OR4C46: variants seen among roughly 807,000 people sequenced by gnomAD.
The protein encoded by OR4C46 is olfactory receptor 4C46.
OR4C46 carries 17 observed loss-of-function variants against 11.8 expected under a neutral mutation model. The observed-to-expected ratio is 1.44, with a 90% CI of 0.98 to 2.16. The LOEUF (loss-of-function observed/expected upper bound fraction) is 2.16. OR4C46 is among the 30% of genes most tolerant of loss of function. The pLI is 0.00. For synonymous variants in OR4C46, 224 were observed against 137.6 expected (o/e 1.63, Z -4.39); for missense variants, 606 against 372.1 (o/e 1.63, Z -5.17).
chr11:54,603,637 T>C lies in OR4C46; in HGVS notation c.362A>G (p.Tyr121Cys). The C allele has an allele frequency of 6.2e-7, 1 of 1,613,898 alleles. No individual in the cohort carries two copies. The highest frequency in any genetic ancestry group is 8.5e-7 in the Non-Finnish European group (1 of 1,179,814). Residue 121 changes from tyrosine to cysteine, a missense_variant, in exon 1 of 1, where the codon TAT becomes TGT. Transcript: ENST00000328188. ...ILLTVMAYDH[Y>C]VAICKPLHYM... The stretch of plus-strand genomic sequence containing the variant: ...GTGCAAGGGCTTGCAGATGGCCACA[T>C]AGTGGTCATAGGCCATCACAGTAAG...
At position 54,603,628 on chromosome 11, in the gene OR4C46, A is replaced by G. The variant is rs369188875; in HGVS notation, c.371T>C (p.Ile124Thr). 6.2e-7 allele frequency: 1 copy of G among 1,614,152 alleles called. No individual in the cohort carries two copies. The highest frequency in any genetic ancestry group is 8.5e-7 in the Non-Finnish European group (1 of 1,179,988). ...AGTCATATAGTGCAAGGGCTTGCAGATGGCCACATAGTGGTCATAGGCCAT... is the reference window on the plus strand; with the variant it reads ...AGTCATATAGTGCAAGGGCTTGCAGGTGGCCACATAGTGGTCATAGGCCAT... ...TVMAYDHYVA[I>T]CKPLHYMTIM... is the part of the protein sequence containing the mutation. Residue 124 changes from isoleucine (I) to threonine (T), a missense_variant, in exon 1 of 1, where the codon ATC becomes ACC. Coordinates refer to ENST00000328188, the MANE Select transcript of OR4C46 (RefSeq NM_001004703.1).
At position 54,603,449 on chromosome 11, in the gene OR4C46, T is replaced by C. The variant is rs148578889; in HGVS notation, c.550A>G (p.Asn184Asp). Reference protein sequence around the residue: ...HFMCDLNPLLNLACTDTHMLE... With the variant: ...HFMCDLNPLLDLACTDTHMLE... ...ATATGGGTGTCAGTGCAGGCGAGGT[T>C]GAGCAAAGGGTTCAGATCACACATA... The change falls in exon 1 of 1, where the codon AAC (asparagine) becomes GAC (aspartate). Residue 184 changes from asparagine (N) to aspartate (D), a missense_variant. Asn to Asp is a conservative substitution (Grantham distance 23, BLOSUM62 1). Coordinates refer to ENST00000328188, the MANE Select transcript of OR4C46 (RefSeq NM_001004703.1). 2.0e-5 allele frequency: 33 copies of C among 1,613,560 alleles called. No individual in the cohort carries two copies. Among genetic ancestry groups the C allele is most frequent in the Non-Finnish European group, 2.5e-5 (30 of 1,179,774 alleles).
Position 54,603,852 on chromosome 11 carries a change from G to T in OR4C46, c.147C>A (p.Ala49=). 2 of 1,600,246 alleles carry T rather than the reference G, an allele frequency of 1.2e-6. No individual in the cohort carries two copies. The highest frequency in any genetic ancestry group is 1.7e-6 in the Non-Finnish European group (2 of 1,179,440). The part of the protein sequence containing the change: ...GYVLIVVTIT[A]SPSLGSPMYL... ...ACATGGGGGACCCCAGTGATGGGCT[G>T]GCAGTGATGGTGACCACAATGAGCA... The change falls in exon 1 of 1, where the codon GCC becomes GCA. Residue 49 remains alanine, a synonymous_variant. Coordinates refer to ENST00000328188, the MANE Select transcript of OR4C46 (RefSeq NM_001004703.1).
rs559729608 is a variant in OR4C46, at chr11:54,603,156, G to A, written c.843C>T (p.Asn281=). The A allele has an allele frequency of 2.0e-6, 3 of 1,511,628 alleles. No individual in the cohort carries two copies. The highest frequency in any genetic ancestry group is 4.5e-5 in the East Asian group (2 of 44,154). The allele number at this position is 1,511,628 out of a possible 1,614,324, so 93.6% of individuals were successfully genotyped here. Residue 281 remains asparagine (N), a synonymous_variant, in exon 1 of 1, where the codon AAC becomes AAT. Transcript: ENST00000328188. ...CATTCTTCAAGGTATAGATTAAGGG[G>A]TTTAACATAGGAGTTATCATAGTGT... ...IFYTMITPML[N]PLIYTLKNAQ... is the part of the protein sequence containing the mutation.
chr11:54,603,856 G>T lies in OR4C46; in HGVS notation c.143C>A (p.Thr48Asn). The T allele has an allele frequency of 6.2e-7, 1 of 1,600,290 alleles. No homozygotes were observed. The highest frequency in any genetic ancestry group is 8.5e-7 in the Non-Finnish European group (1 of 1,179,464). ...VGYVLIVVTITASPSLGSPMY... is the reference protein window; with the variant it reads ...VGYVLIVVTINASPSLGSPMY... ...GGGGGACCCCAGTGATGGGCTGGCA[G>T]TGATGGTGACCACAATGAGCACATA... The change falls in exon 1 of 1, where the codon ACT (threonine) becomes AAT (asparagine). Residue 48 changes from threonine (T) to asparagine (N), a missense_variant. Coordinates refer to ENST00000328188, the MANE Select transcript of OR4C46 (RefSeq NM_001004703.1).
In OR4C46 at chr11:54,603,533, T is replaced by A. The variant is rs1287745987; in HGVS notation, c.466A>T (p.Ile156Leu). The stretch of plus-strand genomic sequence containing the variant: ...AATTGGAAGATGAAGAGGATCTGTA[T>A]GGTTGCATGAAGAAAGCCTCCCATC... ...VWMGGFLHAT[I>L]QILFIFQLPF... The change falls in exon 1 of 1, where the codon ATA (isoleucine) becomes TTA (leucine). Residue 156 changes from isoleucine to leucine, a missense_variant. Physicochemically the swap from Ile to Leu is conservative, Grantham distance 5. Coordinates refer to ENST00000328188, the MANE Select transcript of OR4C46 (RefSeq NM_001004703.1). 1 of 1,613,808 alleles carries A rather than the reference T, an allele frequency of 6.2e-7. No individual in the cohort carries two copies. The highest frequency in any genetic ancestry group is 1.1e-5 in the South Asian group (1 of 91,060).
Position 54,603,408 on chromosome 11 carries a change from A to G in OR4C46, c.591T>C (p.Ile197=), listed in dbSNP as rs2119974583. The stretch of plus-strand genomic sequence containing the variant: ...AGCAGATGAATCCACTGTTGGCAGC[A>G]ATGAAGAGTTCCAGCATATGGGTGT... ...CTDTHMLELF[I]AANSGFICLL... The change falls in exon 1 of 1, where the codon ATT becomes ATC. Residue 197 remains isoleucine (I), a synonymous_variant. Coordinates refer to ENST00000328188, the MANE Select transcript of OR4C46 (RefSeq NM_001004703.1). 3.1e-6 allele frequency: 5 copies of G among 1,613,850 alleles called. No individual in the cohort carries two copies. In the South Asian group the frequency reaches 5.5e-5, roughly 18 times the overall value.
At position 54,603,357 on chromosome 11, in the gene OR4C46, G is replaced by A. The variant is rs952716143; in HGVS notation, c.642C>T (p.Val214=). The A allele has an allele frequency of 2.5e-6, 4 of 1,613,650 alleles. No individual in the cohort carries two copies. The highest frequency in any genetic ancestry group is 1.7e-5 in the Admixed American group (1 of 59,974). ...ICLLNFALLL[V]SYVVILCSLR... ...GGGAGCACAAGATGACCACATAGGA[G>A]ACCAGCAGGAGGGCAAAGTTTAACA... Residue 214 remains valine, a synonymous_variant, in exon 1 of 1, where the codon GTC becomes GTT. Transcript: ENST00000328188.
In OR4C46 at chr11:54,603,070, T is replaced by A. The variant is rs748416996; in HGVS notation, c.929A>T (p.Ter310LeuextTer?). ...ATCAATGTTGAGCTCTAGTTACATTTATTTGTCACCTGAAATGTCCTTTCT... is the reference window on the plus strand; with the variant it reads ...ATCAATGTTGAGCTCTAGTTACATTAATTTGTCACCTGAAATGTCCTTTCT... Reference protein sequence around the residue: ...CSRKDISGDK* With the variant: ...CSRKDISGDKL Residue 310 changes from the stop codon to leucine, a stop_lost, in exon 1 of 1, where the codon TAA becomes TTA. Transcript: ENST00000328188. The A allele has an allele frequency of 1.3e-6, 2 of 1,519,192 alleles. No individual in the cohort carries two copies. Among genetic ancestry groups the A allele is most frequent in the South Asian group, 1.1e-5 (1 of 87,164 alleles). The allele number at this position is 1,519,192 out of a possible 1,614,324, so 94.1% of individuals were successfully genotyped here. A position where few individuals can be genotyped will look rare whatever the true frequency, so the allele number is the denominator to read the frequency against.
Position 54,603,412 on chromosome 11 carries a change from A to G in OR4C46, c.587T>C (p.Phe196Ser), listed in dbSNP as rs780613637. The G allele has an allele frequency of 6.2e-7, 1 of 1,613,844 alleles. No homozygotes were observed. The highest frequency in any genetic ancestry group is 8.5e-7 in the Non-Finnish European group (1 of 1,179,822). Residue 196 changes from phenylalanine to serine, a missense_variant, in exon 1 of 1, where the codon TTC (phenylalanine) becomes TCC (serine). Physicochemically the swap from Phe to Ser is radical, Grantham distance 155. Transcript: ENST00000328188. ...ACTDTHMLELFIAANSGFICL... is the reference protein window; with the variant it reads ...ACTDTHMLELSIAANSGFICL... ...GATGAATCCACTGTTGGCAGCAATG[A>G]AGAGTTCCAGCATATGGGTGTCAGT... is the stretch of plus-strand genomic sequence containing the variant.
In OR4C46 at chr11:54,603,915, CA is replaced by C; in HGVS notation, c.83del (p.Val28GlyfsTer52). 4 of 1,613,758 alleles carry C rather than the reference CA, an allele frequency of 2.5e-6. No individual in the cohort carries two copies. Among genetic ancestry groups the C allele is most frequent in the Non-Finnish European group, 3.4e-6 (4 of 1,179,790 alleles). ...NPKMQKIIFV[V>X]FFVIYIITVV... ...CAGTGATGATATAGATGACAAAAAA[CA>C]CAACAAATATGATTTTCTGCATCTT... On this transcript the variant is annotated frameshift_variant, in exon 1 of 1. Coordinates refer to ENST00000328188, the MANE Select transcript of OR4C46 (RefSeq NM_001004703.1). LOFTEE classifies it low-confidence loss of function (END_TRUNC).
In OR4C46 at chr11:54,603,371, C is replaced by A; in HGVS notation, c.628G>T (p.Ala210Ser). ...ACCACATAGGAGACCAGCAGGAGGG[C>A]AAAGTTTAACAAGCAGATGAATCCA... is the stretch of plus-strand genomic sequence containing the variant. Reference protein sequence around the residue: ...NSGFICLLNFALLLVSYVVIL... With the variant: ...NSGFICLLNFSLLLVSYVVIL... Residue 210 changes from alanine to serine, a missense_variant, in exon 1 of 1, where the codon GCC becomes TCC. Transcript: ENST00000328188. The A allele has an allele frequency of 6.2e-7, 1 of 1,613,704 alleles. No homozygotes were observed. The highest frequency in any genetic ancestry group is 1.1e-5 in the South Asian group (1 of 91,060).
chr11:54,603,625 C>T lies in OR4C46; in HGVS notation c.374G>A (p.Cys125Tyr). The T allele has an allele frequency of 6.2e-7, 1 of 1,614,116 alleles. No homozygotes were observed. The highest frequency in any genetic ancestry group is 1.7e-4 in the Middle Eastern group (1 of 6,060). ...GATAGTCATATAGTGCAAGGGCTTGCAGATGGCCACATAGTGGTCATAGGC... is the reference window on the plus strand; with the variant it reads ...GATAGTCATATAGTGCAAGGGCTTGTAGATGGCCACATAGTGGTCATAGGC... ...VMAYDHYVAI[C>Y]KPLHYMTIMN... Residue 125 changes from cysteine (C) to tyrosine (Y), a missense_variant, in exon 1 of 1, where the codon TGC (cysteine) becomes TAC (tyrosine). Cys to Tyr is a radical substitution (Grantham distance 194). Coordinates refer to ENST00000328188, the MANE Select transcript of OR4C46 (RefSeq NM_001004703.1).
Position 54,603,429 on chromosome 11 carries a change from G to C in OR4C46, c.570C>G (p.Thr190=), listed in dbSNP as rs140080586. ...NPLLNLACTD[T]HMLELFIAAN... ...CAGCAATGAAGAGTTCCAGCATATG[G>C]GTGTCAGTGCAGGCGAGGTTGAGCA... Residue 190 remains threonine (T), a synonymous_variant, in exon 1 of 1, where the codon ACC becomes ACG. Transcript: ENST00000328188. 1.2e-5 allele frequency: 20 copies of C among 1,613,624 alleles called. No individual in the cohort carries two copies. Among genetic ancestry groups the C allele is most frequent in the Middle Eastern group, 1.6e-4 (1 of 6,078 alleles).
chr11:54,603,334 G>T lies in OR4C46; in HGVS notation c.665C>A (p.Ser222Tyr), dbSNP rs751837741. Residue 222 changes from serine (S) to tyrosine (Y), a missense_variant, in exon 1 of 1, where the codon TCC becomes TAC. Ser to Tyr is a moderately radical substitution (Grantham distance 144, BLOSUM62 -2). Transcript: ENST00000328188. The part of the protein sequence containing the change: ...LLVSYVVILC[S>Y]LRTHSLEARH... The stretch of plus-strand genomic sequence containing the variant: ...TGCCTCCAAGCTATGAGTCCTTAGG[G>T]AGCACAAGATGACCACATAGGAGAC... The T allele has an allele frequency of 6.8e-6, 11 of 1,613,650 alleles. No homozygotes were observed. Among genetic ancestry groups the T allele is most frequent in the Non-Finnish European group, 7.6e-6 (9 of 1,179,834 alleles).
chr11:54,603,786 A>G lies in OR4C46; in HGVS notation c.213T>C (p.Tyr71=), dbSNP rs370219354. 3.7e-6 allele frequency: 6 copies of G among 1,613,642 alleles called. No individual in the cohort carries two copies. The South Asian group carries it at 5.5e-5, about 15-fold the overall frequency. ...TCAGGTTAGGGGTATTGACAGAGGAATAGCAGGCATCAATAAAGGAGAGAT... is the reference window on the plus strand; with the variant it reads ...TCAGGTTAGGGGTATTGACAGAGGAGTAGCAGGCATCAATAAAGGAGAGAT... The part of the protein sequence containing the change: ...LAYLSFIDAC[Y]SSVNTPNLIT... The change falls in exon 1 of 1, where the codon TAT becomes TAC. Residue 71 remains tyrosine (Y), a synonymous_variant. Coordinates refer to ENST00000328188, the MANE Select transcript of OR4C46 (RefSeq NM_001004703.1).
Position 54,603,590 on chromosome 11 carries a change from A to T in OR4C46, c.409T>A (p.Cys137Ser). ...ACTCCCATTAGCAGGGCACACACAC[A>T]CTGGTTCATGATAGTCATATAGTGC... ...PLHYMTIMNQ[C>S]VCALLMGVVW... The change falls in exon 1 of 1, where the codon TGT (cysteine) becomes AGT (serine). Residue 137 changes from cysteine to serine, a missense_variant. Physicochemically the swap from Cys to Ser is moderately radical, Grantham distance 112 (BLOSUM62 -1). Transcript: ENST00000328188. 1.2e-6 allele frequency: 2 copies of T among 1,614,092 alleles called. No individual in the cohort carries two copies. The highest frequency in any genetic ancestry group is 1.7e-6 in the Non-Finnish European group (2 of 1,179,982).
At position 54,603,979 on chromosome 11, in the gene OR4C46, A is replaced by C. The variant is rs1250757375; in HGVS notation, c.20T>G (p.Met7Arg). 1 of 1,612,492 alleles carries C rather than the reference A, an allele frequency of 6.2e-7. No homozygotes were observed. The highest frequency in any genetic ancestry group is 2.2e-5 in the East Asian group (1 of 44,860). The stretch of plus-strand genomic sequence containing the variant: ...AAGCCCCAGCAAAACAAACTCTGTC[A>C]TGTTATTCCTATTCTCCATGTATTT... MENRNNMTEFVLLGLTE... is the reference protein window; with the variant it reads MENRNNRTEFVLLGLTE... The change falls in exon 1 of 1, where the codon ATG becomes AGG. Residue 7 changes from methionine to arginine, a missense_variant. Coordinates refer to ENST00000328188, the MANE Select transcript of OR4C46 (RefSeq NM_001004703.1).
In OR4C46 at chr11:54,603,445, A is replaced by T. The variant is rs1308769454; in HGVS notation, c.554T>A (p.Leu185His). The T allele has an allele frequency of 6.2e-7, 1 of 1,613,776 alleles. No homozygotes were observed. Among genetic ancestry groups the T allele is most frequent in the South Asian group, 1.1e-5 (1 of 91,060 alleles). The change falls in exon 1 of 1, where the codon CTC (leucine) becomes CAC (histidine). Residue 185 changes from leucine (L) to histidine (H), a missense_variant. By Grantham distance (99) the Leu-to-His change is moderately conservative (BLOSUM62 -3). Transcript: ENST00000328188. ...CAGCATATGGGTGTCAGTGCAGGCG[A>T]GGTTGAGCAAAGGGTTCAGATCACA... is the stretch of plus-strand genomic sequence containing the variant. ...FMCDLNPLLN[L>H]ACTDTHMLEL...
Sources: allele counts gnomAD v4.1 joint callset, GRCh38; gene constraint gnomAD v4.1.1; transcripts MANE v1.5; gene names NCBI Gene and HGNC (gene_info 2026-07-23, HGNC 2026-07-21).